Variants in TENM3 observed in about 807,000 individuals in gnomAD.
The protein encoded by TENM3 is teneurin transmembrane protein 3.
In TENM3, 63 loss-of-function variants were observed where a neutral mutation model predicts 255.1. The ratio of observed to expected loss-of-function variants is 0.25; its 90% confidence interval spans 0.20 to 0.30. The LOEUF (loss-of-function observed/expected upper bound fraction) is 0.30, where lower values mean the gene tolerates loss of function less well. TENM3 is among the 10% of genes least tolerant of loss of function. The pLI, the probability that TENM3 is intolerant of heterozygous loss-of-function variation, is 1.00. For missense variants in TENM3, 2,929 were observed against 3,461.1 expected (o/e 0.85, Z 3.86); for synonymous variants, 1,306 against 1,322.3 (o/e 0.99, Z 0.27).
At chr4:181,948,355 G>A in the TENM3 span, among the ~76,000 whole-genome samples, 2 of 152,080 alleles carry the variant, frequency 1.3e-5, no homozygotes, top group South Asian at 2.1e-4. Context: ...ATAAGGAAAT[G>A]CTTAGACAAA....
chr4:182,410,186 A>T lies in TENM3; in HGVS notation c.511+63257A>T, dbSNP rs947078360. Among the ~76,000 whole-genome samples the T allele has an allele frequency of 3.3e-5, 5 of 152,352 alleles. 1 individual carries two copies. Among genetic ancestry groups the T allele is most frequent in the South Asian group, 4.1e-4 (2 of 4,830 alleles). ...CGTTCTTCTATTTTAAATCCCTGCT[A>T]TGTCTAATACAGAACACTAGAAGCT... On this transcript the variant is annotated intron_variant, in intron 3 of 27. Coordinates refer to ENST00000511685, the MANE Select transcript of TENM3 (RefSeq NM_001080477.4).
the TENM3 span, among the ~76,000 whole-genome samples, chr4:181,649,769 A>G: frequency 2.6e-5 from 4 of 152,204 alleles, no homozygotes; most frequent in Non-Finnish European, 5.9e-5. Flanking sequence ...CTGGGGATAA[A>G]TAATGTTTGA....
chr4:182,469,728 A>G (rs1367300434), intron 3 of TENM3, among the ~76,000 whole-genome samples: 2 of 151,938 alleles, frequency 1.3e-5, no homozygotes, highest in Non-Finnish European at 2.9e-5. Context: ...AAAAAAAAAA[A>G]AGAGAACTGG....
At chr4:182,442,486 A>G (rs1580555034) in intron 3 of TENM3, among the ~76,000 whole-genome samples, 1 of 152,246 alleles carries the variant, frequency 6.6e-6, no homozygotes, top group East Asian at 1.9e-4. Context: ...ACTAGTCACC[A>G]ATGAATAATT....
intron 4 of TENM3, among the ~76,000 whole-genome samples, chr4:182,609,254 C>A (rs1748752881): frequency 6.6e-6 from 1 of 152,204 alleles, no homozygotes; most frequent in African/African-American, 2.4e-5. Flanking sequence ...CCACCACACC[C>A]AGCCTTAATT....
chr4:181,527,949 C>T, the TENM3 span, among the ~76,000 whole-genome samples: 1 of 151,992 alleles, frequency 6.6e-6, no homozygotes, highest in Non-Finnish European at 1.5e-5. Flanking sequence ...CTGAACAATA[C>T]TCCATTGTAT....
At chr4:182,557,209 C>A (rs895394538) in intron 3 of TENM3, among the ~76,000 whole-genome samples, 24 of 152,204 alleles carry the variant, frequency 1.6e-4, no homozygotes, top group African/African-American at 4.6e-4. Context: ...ATAAACCAAT[C>A]CTGTTCATAG....
intron 3 of TENM3, among the ~76,000 whole-genome samples, chr4:182,368,732 A>G (rs1468986103): frequency 6.6e-6 from 1 of 152,184 alleles, no homozygotes; most frequent in Admixed American, 6.5e-5. Context: ...TTTAAAGGAT[A>G]AGAATATTGC....
At chr4:182,670,650 C>T (rs753415572) in intron 6 of TENM3, among the ~76,000 whole-genome samples, 5 of 152,160 alleles carry the variant, frequency 3.3e-5, no homozygotes, top group Non-Finnish European at 5.9e-5. Flanking sequence ...AGATGGAAAG[C>T]AATTCTAACA....
chr4:182,160,939 T>C (rs899129267), intron 1 of TENM3, among the ~76,000 whole-genome samples: 2 of 152,184 alleles, frequency 1.3e-5, no homozygotes, highest in African/African-American at 2.4e-5. Context: ...TTGTACCCCA[T>C]AGATATATAC....
the TENM3 span, among the ~76,000 whole-genome samples, chr4:181,877,808 T>C: frequency 0.86 from 131,118 of 152,122 alleles, 57,139 homozygotes; most frequent in Middle Eastern, 0.92. Flanking sequence ...TGCTTATACA[T>C]AACCAGTGGC....
At chr4:182,041,502 T>G in the TENM3 span, among the ~76,000 whole-genome samples, 4 of 152,224 alleles carry the variant, frequency 2.6e-5, no homozygotes, top group African/African-American at 7.2e-5. Flanking sequence ...ATTGTTCCTA[T>G]GGTTATTTAT....
At chr4:182,713,920 A>G (rs994993463) in intron 12 of TENM3, among the ~76,000 whole-genome samples, 167 bp from the exon 13 acceptor site, 3 of 152,220 alleles carry the variant, frequency 2.0e-5, no homozygotes, top group African/African-American at 7.2e-5. Flanking sequence ...TGCCACTTGG[A>G]TAAGAATTAG....
intron 3 of TENM3, among the ~76,000 whole-genome samples, chr4:182,581,728 C>T (rs1422972439): frequency 6.6e-6 from 1 of 151,934 alleles, no homozygotes; most frequent in Non-Finnish European, 1.5e-5. Flanking sequence ...CAGAGCGAGA[C>T]TCCCTCTCAA....
the TENM3 span, among the ~76,000 whole-genome samples, chr4:181,826,815 C>T: frequency 1.9e-3 from 289 of 152,252 alleles, 1 homozygote; most frequent in African/African-American, 5.9e-3. Flanking sequence ...GCTCCCCAGA[C>T]GATTTTAATG....
chr4:182,535,836 CCT>C (rs1740250667), intron 3 of TENM3, among the ~76,000 whole-genome samples: 1 of 151,806 alleles, frequency 6.6e-6, no homozygotes, highest in African/African-American at 2.4e-5. Context: ...ATAATACCTA[CCT>C]CTCAGGATTA....
chr4:182,585,297 A>G (rs1745904598), intron 3 of TENM3, among the ~76,000 whole-genome samples: 1 of 152,150 alleles, frequency 6.6e-6, no homozygotes, highest in Non-Finnish European at 1.5e-5. Context: ...GGGAGCTTAA[A>G]CTGTCCCATT....
chr4:182,706,969 A>G (rs1016422639), intron 12 of TENM3, among the ~76,000 whole-genome samples: 6 of 152,042 alleles, frequency 3.9e-5, no homozygotes, highest in Non-Finnish European at 8.8e-5. Context: ...CAAAAAAAAA[A>G]AAACAAAAAG....
upstream of TENM3, among the ~76,000 whole-genome samples, chr4:182,240,665 C>A (rs112336561): frequency 3.4e-3 from 521 of 152,300 alleles, 3 homozygotes; most frequent in African/African-American, 0.012. Context: ...CCCGGCCCTG[C>A]AGCCCACGAG....
Sources: gnomAD v4.1 joint callset for allele counts (sites outside exome capture counted in the v4.1 genomes callset) on GRCh38, gnomAD v4.1.1 for gene constraint, MANE v1.5 for transcripts, NCBI Gene and HGNC (gene_info 2026-07-23, HGNC 2026-07-21) for gene names.